Variants in TMED3 observed in about 807,000 individuals in gnomAD.
TMED3 encodes transmembrane p24 trafficking protein 3.
In TMED3, 9 loss-of-function variants were observed where a neutral mutation model predicts 15.0. That is an observed-to-expected ratio of 0.60 (90% CI 0.36 to 1.04). TMED3 has a LOEUF of 1.04. Ranked by LOEUF, TMED3 falls within the 50% of genes least tolerant of loss-of-function variation. The pLI is 0.01. For synonymous variants in TMED3, 117 were observed against 121.4 expected, an observed-to-expected ratio of 0.96 and a Z score of 0.24; for missense variants, 267 against 278.9, an observed-to-expected ratio of 0.96 and a Z score of 0.30.
chr15:79,339,006 G>A (rs1471848927), intron 2 of TMED3, among the ~76,000 whole-genome samples: 1 of 152,020 alleles, frequency 6.6e-6, no homozygotes, highest in Non-Finnish European at 1.5e-5. Context: ...GTTATCCAGG[G>A]GCCTGTCTCC....
At chr15:79,401,384 G>A (rs1893831487) in intron 2 of TMED3, among the ~76,000 whole-genome samples, 1 of 152,174 alleles carries the variant, frequency 6.6e-6, no homozygotes, top group African/African-American at 2.4e-5. Context: ...GTGTGAGATA[G>A]ATGACAGAGA....
chr15:79,387,670 A>C (rs1278702320), intron 2 of TMED3, among the ~76,000 whole-genome samples: 5 of 152,206 alleles, frequency 3.3e-5, no homozygotes, highest in Non-Finnish European at 7.3e-5. Context: ...CTGGGATTAC[A>C]TTGAATCCAT....
In TMED3 at chr15:79,322,331, T is replaced by A; in HGVS notation, c.*117T>A. 6.7e-7 allele frequency: 1 copy of A among 1,501,176 alleles called. No individual in the cohort carries two copies. The highest frequency in any genetic ancestry group is 8.9e-7 in the Non-Finnish European group (1 of 1,129,260). 93.0% of individuals were successfully genotyped at this position (1,501,176 alleles called of 1,614,324 possible). ...TGGAGGCAGAACGATGCTGCTGTGG[T>A]AGCCCTTTGCCTTTCATGCCCATGC... On this transcript the variant is annotated 3_prime_UTR_variant, in exon 3 of 3. Transcript: ENST00000299705.
chr15:79,375,371 G>C (rs901695150), intron 2 of TMED3, among the ~76,000 whole-genome samples: 6 of 152,270 alleles, frequency 3.9e-5, no homozygotes, highest in Non-Finnish European at 5.9e-5. Context: ...CTCTGTGATG[G>C]TTGGGAAATG....
chr15:79,372,549 A>G lies in TMED3; in HGVS notation c.418-38851A>G, dbSNP rs765142809. ...CAAAATCATGGCCGGAGGCAAAGGA[A>G]GAACAAAGGCACATCTTATGTGGTG... On this transcript the variant is annotated intron_variant, in intron 2 of 2. Transcript: ENST00000424155. Among the ~76,000 whole-genome samples, 3 of 152,238 alleles carry G rather than the reference A, an allele frequency of 2.0e-5. No individual in the cohort carries two copies. In the East Asian group the frequency reaches 5.8e-4, roughly 29 times the overall value.
chr15:79,393,369 G>A (rs1567039259), intron 2 of TMED3, among the ~76,000 whole-genome samples: 2 of 152,178 alleles, frequency 1.3e-5, no homozygotes, highest in Non-Finnish European at 2.9e-5. Context: ...TAAATGCCAG[G>A]AGAGGATACA....
chr15:79,361,333 A>G (rs1366637440), intron 2 of TMED3, among the ~76,000 whole-genome samples: 3 of 152,262 alleles, frequency 2.0e-5, no homozygotes, highest in East Asian at 3.8e-4. Context: ...TAAGTGAGGT[A>G]ACTCAGGTAA....
At chr15:79,362,964 A>G (rs1188937737) in intron 2 of TMED3, among the ~76,000 whole-genome samples, 8 of 152,248 alleles carry the variant, frequency 5.3e-5, no homozygotes, top group African/African-American at 1.7e-4. Context: ...AATGTGTGCT[A>G]TCAGATAATG....
chr15:79,329,045 G>T (rs777542342), intron 2 of TMED3, among the ~76,000 whole-genome samples: 1 of 152,190 alleles, frequency 6.6e-6, no homozygotes, highest in Non-Finnish European at 1.5e-5. Flanking sequence ...ATACCTAGGG[G>T]TGGTGGATTA....
At chr15:79,387,164 T>C (rs551517247) in intron 2 of TMED3, among the ~76,000 whole-genome samples, 57 of 152,172 alleles carry the variant, frequency 3.7e-4, no homozygotes, top group Non-Finnish European at 6.8e-4. Context: ...GCATTTCCAC[T>C]AAAAGCTTTA....
intron 2 of TMED3, among the ~76,000 whole-genome samples, chr15:79,375,221 G>T (rs946394324): frequency 2.6e-5 from 4 of 152,114 alleles, no homozygotes; most frequent in Non-Finnish European, 5.9e-5. Context: ...CAGGAAGGAG[G>T]AGAGGGTCTG....
intron 2 of TMED3, among the ~76,000 whole-genome samples, chr15:79,320,316 G>A (rs2058760796): frequency 6.6e-6 from 1 of 151,926 alleles, no homozygotes; most frequent in South Asian, 2.1e-4. Context: ...GTAGAGCAAG[G>A]ATTATTATAA....
chr15:79,323,245 A>C (rs1408367936), downstream of TMED3, among the ~76,000 whole-genome samples: 1 of 152,164 alleles, frequency 6.6e-6, no homozygotes, highest in African/African-American at 2.4e-5. Context: ...AATGCATACC[A>C]ATCAGATGTC....
chr15:79,316,595 C>T lies in TMED3; in HGVS notation c.417+2590C>T, dbSNP rs370910359. 2.0e-3 allele frequency among the ~76,000 whole-genome samples: 308 copies of T among 152,212 alleles called. 3 individuals are homozygous for T. Among genetic ancestry groups the T allele is most frequent in the African/African-American group, 6.9e-3 (287 of 41,518 alleles). The stretch of plus-strand genomic sequence containing the variant: ...GTTACAGACTGAAGACCTCGGCATC[C>T]GCTGGTGGCTGGGACAGGATGGGAT... On this transcript the variant is annotated intron_variant, in intron 2 of 2. Transcript: ENST00000299705.
chr15:79,359,342 C>T (rs550605790), intron 2 of TMED3, among the ~76,000 whole-genome samples: 18 of 151,112 alleles, frequency 1.2e-4, no homozygotes, highest in Middle Eastern at 3.4e-3. Flanking sequence ...AAGCCATTCT[C>T]CTGCCTCAGC....
chr15:79,313,304 G>A (rs1337082538), intron 1 of TMED3, among the ~76,000 whole-genome samples: 1 of 152,052 alleles, frequency 6.6e-6, no homozygotes, highest in African/African-American at 2.4e-5. Context: ...CACCATCTCA[G>A]GAAGAGCAGT....
chr15:79,405,077 C>G (rs1893886204), intron 2 of TMED3, among the ~76,000 whole-genome samples: 1 of 152,176 alleles, frequency 6.6e-6, no homozygotes, highest in African/African-American at 2.4e-5. Flanking sequence ...ATACAATGTT[C>G]AGCATGACTT....
intron 2 of TMED3, among the ~76,000 whole-genome samples, chr15:79,386,533 T>C (rs886173395): frequency 6.6e-6 from 1 of 152,090 alleles, no homozygotes; most frequent in Admixed American, 6.5e-5. Context: ...TTTTGATGAA[T>C]AACAGTTTTT....
intron 2 of TMED3, among the ~76,000 whole-genome samples, chr15:79,370,256 A>ATTTTTTTTTTT (rs398028085): frequency 3.6e-3 from 381 of 104,926 alleles, no homozygotes; most frequent in East Asian, 5.4e-3. Flanking sequence ...TGCCCAGCTA[A>ATTTTTTTTTTT]TTTTTTTTTT....
Sources: allele counts gnomAD v4.1 joint callset (sites outside exome capture counted in the v4.1 genomes callset), GRCh38; gene constraint gnomAD v4.1.1; transcripts MANE v1.5; gene names NCBI Gene and HGNC (gene_info 2026-07-23, HGNC 2026-07-21).